Variants in KCNN2 observed in about 807,000 individuals in gnomAD.
KCNN2 encodes the protein potassium calcium-activated channel subfamily N member 2.
In KCNN2, 24 loss-of-function variants were observed where a neutral mutation model predicts 55.5. The observed-to-expected ratio is 0.43, with a 90% CI of 0.31 to 0.61. KCNN2 has a LOEUF of 0.61. KCNN2 is among the 20% of genes least tolerant of loss of function. KCNN2 has a pLI of 0.08. For missense variants in KCNN2, 754 were observed against 853.6 expected (o/e 0.88, Z 1.45); for synonymous variants, 431 against 336.1 (o/e 1.28, Z -3.09).
chr5:114,059,746 G>A (rs1465638283), intron 1 of KCNN2, among the ~76,000 whole-genome samples: 1 of 152,180 alleles, frequency 6.6e-6, no homozygotes, highest in Non-Finnish European at 1.5e-5. Context: ...GAAATGGCAG[G>A]GACTAGACAG....
chr5:114,130,692 A>G (rs1340330376), intron 1 of KCNN2, among the ~76,000 whole-genome samples: 2 of 152,164 alleles, frequency 1.3e-5, no homozygotes, highest in African/African-American at 2.4e-5. Context: ...TACTCACTAC[A>G]TAAGAAAGGT....
chr5:114,112,535 A>T (rs1050285046), intron 1 of KCNN2, among the ~76,000 whole-genome samples: 1 of 152,114 alleles, frequency 6.6e-6, no homozygotes, highest in Admixed American at 6.6e-5. Context: ...CCAAAAACAC[A>T]TTGATCCAAT....
In KCNN2 at chr5:114,220,102, G is replaced by A. The variant is rs919568806; in HGVS notation, c.-270-1378G>A. On this transcript the variant is annotated intron_variant, in intron 1 of 10. Coordinates refer to the KCNN2 transcript ENST00000512097. ...CAGGTCATATAGTTGGCTACTCTTC[G>A]GACTGTGTAATTAGAAAAACTGGCC... Among the ~76,000 whole-genome samples, 12 of 152,184 alleles carry A rather than the reference G, an allele frequency of 7.9e-5. No homozygotes were observed. In the East Asian group the frequency reaches 9.7e-4, roughly 12 times the overall value.
intron 2 of KCNN2, among the ~76,000 whole-genome samples, chr5:114,238,518 C>T (rs1382321365): frequency 6.6e-6 from 1 of 151,446 alleles, no homozygotes; most frequent in Non-Finnish European, 1.5e-5. Flanking sequence ...CCCAGCTACT[C>T]GGGGGACTGA....
intron 1 of KCNN2, among the ~76,000 whole-genome samples, chr5:114,057,717 G>T (rs1266544422): frequency 6.6e-6 from 1 of 152,220 alleles, no homozygotes; most frequent in Non-Finnish European, 1.5e-5. Context: ...GGACAGGGAA[G>T]TTCTCTTGGT....
chr5:114,494,386 C>T (rs1474444473), intron 7 of KCNN2, among the ~76,000 whole-genome samples: 10 of 149,266 alleles, frequency 6.7e-5, no homozygotes, highest in Admixed American at 3.4e-4. Context: ...TAATGTATAG[C>T]AGTAACACAT....
At chr5:114,449,908 A>ACACACACG (rs1309590184) in intron 3 of KCNN2, among the ~76,000 whole-genome samples, 3,619 of 66,010 alleles carry the variant, frequency 0.055, 157 homozygotes, top group African/African-American at 0.12. Flanking sequence ...ACACACACAC[A>ACACACACG]CGCGCGCGCT....
intron 2 of KCNN2, among the ~76,000 whole-genome samples, chr5:114,324,185 C>T (rs1329770060): frequency 6.6e-6 from 1 of 152,140 alleles, no homozygotes. Flanking sequence ...GTTGTACCAA[C>T]ACCTATGAAA....
At chr5:114,191,893 A>G (rs988845688) in intron 1 of KCNN2, among the ~76,000 whole-genome samples, 1 of 152,206 alleles carries the variant, frequency 6.6e-6, no homozygotes, top group African/African-American at 2.4e-5. Context: ...TAGGAAGTCC[A>G]GGCTGAGAAA....
intron 1 of KCNN2, among the ~76,000 whole-genome samples, chr5:114,104,798 GA>G (rs892692947): frequency 4.4e-4 from 67 of 152,100 alleles, no homozygotes; most frequent in African/African-American, 1.5e-3. Context: ...AGGTCTGAAT[GA>G]AAAAGGCAGG....
chr5:114,122,892 GT>G (rs1751853689), intron 1 of KCNN2, among the ~76,000 whole-genome samples: 1 of 152,184 alleles, frequency 6.6e-6, no homozygotes, highest in Non-Finnish European at 1.5e-5. Flanking sequence ...GCAAATTCTT[GT>G]AAGTAGAAGA....
intron 1 of KCNN2, among the ~76,000 whole-genome samples, chr5:114,212,061 C>G (rs948553556): frequency 6.6e-6 from 1 of 151,640 alleles, no homozygotes; most frequent in Non-Finnish European, 1.5e-5. Flanking sequence ...ATATCTTATA[C>G]TTAATTCGAT....
chr5:114,433,041 G>T (rs954715044), intron 3 of KCNN2, among the ~76,000 whole-genome samples: 1 of 152,070 alleles, frequency 6.6e-6, no homozygotes, highest in Non-Finnish European at 1.5e-5. Context: ...CAGTCCCATC[G>T]ACCACCCAAG....
chr5:114,355,269 A>C (rs1179153652), intron 2 of KCNN2, among the ~76,000 whole-genome samples: 2 of 152,246 alleles, frequency 1.3e-5, no homozygotes, highest in African/African-American at 4.8e-5. Flanking sequence ...GTTCATGAAT[A>C]ACACACGGAA....
Position 114,081,176 on chromosome 5 carries a change from G to A in KCNN2, c.-271+24676G>A, listed in dbSNP as rs531793436. On this transcript the variant is annotated intron_variant, in intron 1 of 10. Coordinates refer to the KCNN2 transcript ENST00000512097. ...ACATAAGTAAATAGAAACATCTTATGCTCATGGATTAGAAGATAATATTAA... is the reference window on the plus strand; with the variant it reads ...ACATAAGTAAATAGAAACATCTTATACTCATGGATTAGAAGATAATATTAA... 2.0e-5 allele frequency among the ~76,000 whole-genome samples: 3 copies of A among 152,214 alleles called. No individual in the cohort carries two copies. In the South Asian group the frequency reaches 6.2e-4, roughly 32 times the overall value.
chr5:114,273,107 A>C (rs934287519), intron 2 of KCNN2, among the ~76,000 whole-genome samples: 15 of 152,024 alleles, frequency 9.9e-5, no homozygotes, highest in Non-Finnish European at 1.9e-4. Flanking sequence ...ACTCCCACTT[A>C]TGAGTGAGAA....
chr5:114,456,757 G>C lies in KCNN2; in HGVS notation c.1638-6292G>C, dbSNP rs115138190. On this transcript the variant is annotated intron_variant, in intron 3 of 7. Transcript: ENST00000673685. ...CTAAACCTCATGGATAACTTGAAAG[G>C]ATTCAAATTTCAACAGAAGAAGTAG... Among the ~76,000 whole-genome samples, 179 of 152,238 alleles carry C rather than the reference G, an allele frequency of 1.2e-3. 1 individual carries two copies. The highest frequency in any genetic ancestry group is 3.6e-3 in the African/African-American group (150 of 41,550).
chr5:114,171,371 TG>T (rs1327752512), intron 1 of KCNN2, among the ~76,000 whole-genome samples: 9 of 152,044 alleles, frequency 5.9e-5, no homozygotes, highest in Admixed American at 6.6e-5. Flanking sequence ...ATACTTCAGT[TG>T]TTTCTCATTG....
chr5:114,340,677 TGTG>T (rs1403232970), intron 2 of KCNN2, among the ~76,000 whole-genome samples: 2 of 151,872 alleles, frequency 1.3e-5, no homozygotes, highest in African/African-American at 4.8e-5. Flanking sequence ...CATGTGTGTG[TGTG>T]TGTGTGTGTG....
Sources: gnomAD v4.1 joint callset for allele counts (sites outside exome capture counted in the v4.1 genomes callset) on GRCh38, gnomAD v4.1.1 for gene constraint, MANE v1.5 for transcripts, NCBI Gene and HGNC (gene_info 2026-07-23, HGNC 2026-07-21) for gene names.